The following AGBL4 variants were observed in gnomAD, a reference collection of about 807,000 sequenced individuals.
AGBL4 encodes AGBL carboxypeptidase 4.
Under a neutral mutation model 66.4 loss-of-function variants are expected in AGBL4, and 58 were observed. The observed-to-expected ratio is 0.87, with a 90% confidence interval of 0.71 to 1.09. AGBL4 has a LOEUF of 1.09. Ranked by LOEUF, AGBL4 falls within the 50% of genes least tolerant of loss-of-function variation. AGBL4 has a pLI of 0.00. For synonymous variants in AGBL4, 234 were observed against 222.9 expected (o/e 1.05, Z -0.44); for missense variants, 579 against 631.0 (o/e 0.92, Z 0.88).
intron 3 of AGBL4, among the ~76,000 whole-genome samples, chr1:49,391,759 C>T (rs907841927): frequency 1.3e-5 from 2 of 151,936 alleles, no homozygotes; most frequent in Non-Finnish European, 2.9e-5. Context: ...GATGGGGTTT[C>T]ACTGTGTTAG....
chr1:49,845,787 C>T, intron 2 of AGBL4: 2 of 1,569,198 alleles, frequency 1.3e-6, no homozygotes, highest in Non-Finnish European at 1.8e-6. Flanking sequence ...GCCACGGCTC[C>T]TCACTTAGCC....
At chr1:48,851,445 G>A (rs910779514) in intron 6 of AGBL4, among the ~76,000 whole-genome samples, 1 of 152,116 alleles carries the variant, frequency 6.6e-6, no homozygotes, top group Non-Finnish European at 1.5e-5. Flanking sequence ...CATGGAAGGG[G>A]GTTAGTAATT....
chr1:48,568,708 C>A (rs896284287), intron 11 of AGBL4, among the ~76,000 whole-genome samples: 7 of 152,216 alleles, frequency 4.6e-5, no homozygotes, highest in East Asian at 1.9e-4. Context: ...TGTCTCTGGG[C>A]ATTGGCCTAG....
At chr1:49,264,607 G>A (rs750627953) in intron 3 of AGBL4, among the ~76,000 whole-genome samples, 7 of 151,620 alleles carry the variant, frequency 4.6e-5, no homozygotes, top group African/African-American at 9.7e-5. Context: ...GTGCAGCGGC[G>A]CTATCGTGGC....
At chr1:48,670,516 C>A (rs558956670) in intron 6 of AGBL4, among the ~76,000 whole-genome samples, 1 of 152,338 alleles carries the variant, frequency 6.6e-6, no homozygotes, top group East Asian at 1.9e-4. Flanking sequence ...GAGATACAGG[C>A]GGCTTGGGCC....
intron 8 of AGBL4, among the ~76,000 whole-genome samples, chr1:48,649,358 T>A (rs1645889876): frequency 6.6e-6 from 1 of 152,228 alleles, no homozygotes; most frequent in Non-Finnish European, 1.5e-5. Context: ...TGAGGTGCAG[T>A]AAGTAAGACA....
At chr1:49,861,387 G>C (rs1252094534) in intron 1 of AGBL4, among the ~76,000 whole-genome samples, 3 of 151,748 alleles carry the variant, frequency 2.0e-5, no homozygotes, top group Non-Finnish European at 2.9e-5. Context: ...TGCTTGAAAA[G>C]AGGAAAGAAA....
At chr1:48,857,061 C>A (rs567932126) in intron 6 of AGBL4, among the ~76,000 whole-genome samples, 5 of 152,262 alleles carry the variant, frequency 3.3e-5, no homozygotes, top group African/African-American at 4.8e-5. Flanking sequence ...GTGGACAGTT[C>A]ATATAATCTC....
chr1:48,996,889 A>T (rs907431315), intron 5 of AGBL4, among the ~76,000 whole-genome samples: 1 of 150,762 alleles, frequency 6.6e-6, no homozygotes, highest in Admixed American at 6.6e-5. Context: ...ATAAAATATT[A>T]TTGCTAATTT....
chr1:49,163,459 T>C (rs934125410), intron 4 of AGBL4, among the ~76,000 whole-genome samples: 1 of 152,212 alleles, frequency 6.6e-6, no homozygotes, highest in Non-Finnish European at 1.5e-5. Context: ...TTTGCTTCCA[T>C]AGGATTCTGT....
chr1:49,550,471 T>C (rs1306905245), intron 3 of AGBL4, among the ~76,000 whole-genome samples: 1 of 152,212 alleles, frequency 6.6e-6, no homozygotes, highest in African/African-American at 2.4e-5. Flanking sequence ...GCGCTCCTTT[T>C]TGCAGTTCTT....
At chr1:49,608,934 C>T (rs1645107034) in intron 3 of AGBL4, among the ~76,000 whole-genome samples, 1 of 152,054 alleles carries the variant, frequency 6.6e-6, no homozygotes, top group South Asian at 2.1e-4. Flanking sequence ...CCTCCCCCAC[C>T]ACAGCCATTT....
rs12737974 is a variant in AGBL4 at position 49,948,101 on chromosome 1, T to A, written c.34+75662A>T. ...ATATATGTAAATATATGTATATGTA[T>A]ATATATGTAAATGTATGTAAATATA... On this transcript the variant is annotated intron_variant, in intron 1 of 13. Coordinates refer to ENST00000371839, the MANE Select transcript of AGBL4 (RefSeq NM_032785.4). Among the ~76,000 whole-genome samples, 491 of 83,558 alleles carry A rather than the reference T, an allele frequency of 5.9e-3. 7 individuals are homozygous for A. Among genetic ancestry groups the A allele is most frequent in the Middle Eastern group, 0.037 (3 of 80 alleles). 54.8% of individuals were successfully genotyped at this position (83,558 alleles called of 152,430 possible). A position where few individuals can be genotyped will look rare whatever the true frequency, so the allele number is the denominator to read the frequency against.
intron 4 of AGBL4, among the ~76,000 whole-genome samples, chr1:49,110,834 C>T (rs535725057): frequency 6.6e-6 from 1 of 152,296 alleles, no homozygotes; most frequent in East Asian, 1.9e-4. Context: ...ATTCAGTCTA[C>T]TCTTGATTTT....
the AGBL4 span, among the ~76,000 whole-genome samples, chr1:48,522,783 G>T: frequency 6.6e-6 from 1 of 152,046 alleles, no homozygotes; most frequent in African/African-American, 2.4e-5. Flanking sequence ...AAAATTAGCT[G>T]GGCATGGTGG....
At chr1:49,388,173 A>G (rs1271800724) in intron 3 of AGBL4, among the ~76,000 whole-genome samples, 1 of 152,140 alleles carries the variant, frequency 6.6e-6, no homozygotes, top group African/African-American at 2.4e-5. Context: ...TCATTTTTAA[A>G]TTCTAATAAG....
chr1:49,191,397 C>T (rs975059555), intron 4 of AGBL4, among the ~76,000 whole-genome samples: 2 of 152,188 alleles, frequency 1.3e-5, no homozygotes, highest in Non-Finnish European at 1.5e-5. Context: ...TTAGTATTCT[C>T]AATGCTGGCA....
intron 11 of AGBL4, among the ~76,000 whole-genome samples, chr1:48,552,742 A>G (rs1056521851): frequency 6.6e-6 from 1 of 152,154 alleles, no homozygotes; most frequent in African/African-American, 2.4e-5. Flanking sequence ...TGGTGGAGAT[A>G]CAGCAAGTGA....
chr1:49,623,001 G>T (rs370972409), intron 3 of AGBL4, among the ~76,000 whole-genome samples: 2 of 151,884 alleles, frequency 1.3e-5, no homozygotes, highest in Non-Finnish European at 2.9e-5. Flanking sequence ...ATACAGATTC[G>T]CAGGAAAAAA....
Sources: gnomAD v4.1 joint callset for allele counts (sites outside exome capture counted in the v4.1 genomes callset) on GRCh38, gnomAD v4.1.1 for gene constraint, MANE v1.5 for transcripts, NCBI Gene and HGNC (gene_info 2026-07-23, HGNC 2026-07-21) for gene names.